Variants in SEC24A observed in about 807,000 individuals in gnomAD.
SEC24A encodes the protein protein transport protein Sec24A.
SEC24A carries 93 observed loss-of-function variants against 129.4 expected under a neutral mutation model. The ratio of observed to expected loss-of-function variants is 0.72; its 90% confidence interval spans 0.61 to 0.85. SEC24A has a LOEUF of 0.85. Ranked by LOEUF, SEC24A falls within the 40% of genes least tolerant of loss-of-function variation. SEC24A has a pLI of 0.00. For missense variants in SEC24A, 1,264 were observed against 1,307.4 expected (o/e 0.97, Z 0.51); for synonymous variants, 460 against 467.3 (o/e 0.98, Z 0.20).
Position 134,649,138 on chromosome 5 carries a change from G to C in SEC24A, c.62G>C (p.Gly21Ala), listed in dbSNP as rs1372082335. The change falls in exon 1 of 23, where the codon GGA becomes GCA. Residue 21 changes from glycine to alanine, a missense_variant. By Grantham distance (60) the Gly-to-Ala change is moderately conservative. Coordinates refer to ENST00000398844, the MANE Select transcript of SEC24A (RefSeq NM_021982.3). ...CCAGCCAGCCTCCAGGCCCAGAACG[G>C]AGCCGCCTTGGCCTCGGGGTCTCCC... ...GAPASLQAQN[G>A]AALASGSPYT... 6.2e-7 allele frequency: 1 copy of C among 1,610,110 alleles called. No individual in the cohort carries two copies. Among genetic ancestry groups the C allele is most frequent in the Non-Finnish European group, 8.5e-7 (1 of 1,178,416 alleles).
intron 1 of SEC24A, among the ~76,000 whole-genome samples, chr5:134,651,935 T>C (rs1750068677): frequency 1.3e-5 from 1 of 76,060 alleles, no homozygotes. Flanking sequence ...TTGAAAACTC[T>C]TTTTTTTTTT....
chr5:134,682,460 T>C lies in SEC24A; in HGVS notation c.1469T>C (p.Phe490Ser), dbSNP rs757411219. ...RPEVQNATIEFMAPSEYMLRP... is the reference protein window; with the variant it reads ...RPEVQNATIESMAPSEYMLRP... ...GAAGTTCAAAATGCTACTATTGAGT[T>C]TATGGCTCCTTCAGAATACATGGTA... The change falls in exon 9 of 23, where the codon TTT (phenylalanine) becomes TCT (serine). Residue 490 changes from phenylalanine (F) to serine (S), a missense_variant. Transcript: ENST00000398844. 1 of 1,587,828 alleles carries C rather than the reference T, an allele frequency of 6.3e-7. No homozygotes were observed. Among genetic ancestry groups the C allele is most frequent in the Non-Finnish European group, 8.6e-7 (1 of 1,156,514 alleles).
chr5:134,696,788 G>A (rs1187080243), intron 13 of SEC24A, among the ~76,000 whole-genome samples: 5 of 150,884 alleles, frequency 3.3e-5, no homozygotes, highest in Admixed American at 6.6e-5. Flanking sequence ...GTGAGCCACC[G>A]CACCCGGCCA....
At position 134,675,200 on chromosome 5, in the gene SEC24A, AC is replaced by A; in HGVS notation, c.1135del (p.Leu379SerfsTer12). The A allele has an allele frequency of 6.2e-7, 1 of 1,610,984 alleles. No homozygotes were observed. Among genetic ancestry groups the A allele is most frequent in the Non-Finnish European group, 8.5e-7 (1 of 1,177,850 alleles). ...CAAATTTGCATGAAGACATCCAGAA[AC>A]TCAACTGTAACCCAGAGTAAGGCTT... The part of the protein sequence containing the change: ...VPNLHEDIQK[L>X]NCNPELFRCT... On this transcript the variant is annotated frameshift_variant, in exon 6 of 23. Coordinates refer to ENST00000398844, the MANE Select transcript of SEC24A (RefSeq NM_021982.3). LOFTEE classifies it high-confidence loss of function.
Position 134,703,757 on chromosome 5 carries a change from A to C in SEC24A, c.2267-2A>C. Reference sequence around the variant, plus strand: ...TAATTTTGTTACCTTTTTCTCTTCTAGGTCTTTCCATTCATACTTTCCATG... The same window carrying C: ...TAATTTTGTTACCTTTTTCTCTTCTCGGTCTTTCCATTCATACTTTCCATG... On this transcript the variant is annotated splice_acceptor_variant, in intron 15 of 22. Coordinates refer to ENST00000398844, the MANE Select transcript of SEC24A (RefSeq NM_021982.3). LOFTEE classifies it high-confidence loss of function. 1 of 1,598,910 alleles carries C rather than the reference A, an allele frequency of 6.3e-7. No individual in the cohort carries two copies. The highest frequency in any genetic ancestry group is 8.6e-7 in the Non-Finnish European group (1 of 1,166,734).
At chr5:134,713,223 G>A (rs1434125304) in intron 18 of SEC24A, among the ~76,000 whole-genome samples, 2 of 151,986 alleles carry the variant, frequency 1.3e-5, no homozygotes, top group Admixed American at 6.6e-5. Context: ...GAGCCACCGC[G>A]CCCGGCCGAA....
Position 134,661,407 on chromosome 5 carries a change from A to C in SEC24A, c.386A>C (p.Glu129Ala). The change falls in exon 2 of 23, where the codon GAA becomes GCA. Residue 129 changes from glutamate to alanine, a missense_variant. Physicochemically the swap from Glu to Ala is moderately radical, Grantham distance 107 (BLOSUM62 -1). Transcript: ENST00000398844. ...TPMPSSSFLP[E>A]ANLPPPLNWQ... ...ATGCCTTCTAGTAGCTTTCTTCCTG[A>C]AGCCAACCTGCCACCACCTTTGAAT... 2 of 1,614,180 alleles carry C rather than the reference A, an allele frequency of 1.2e-6. No homozygotes were observed. Among genetic ancestry groups the C allele is most frequent in the Non-Finnish European group, 1.7e-6 (2 of 1,180,028 alleles).
chr5:134,654,647 C>T (rs560697835), intron 1 of SEC24A, among the ~76,000 whole-genome samples: 94 of 152,102 alleles, frequency 6.2e-4, no homozygotes, highest in Non-Finnish European at 1.2e-3. Context: ...AATAATGACT[C>T]CCACCATTAA....
At chr5:134,719,262 G>T (rs1007488317) in intron 20 of SEC24A, among the ~76,000 whole-genome samples, 2 of 151,340 alleles carry the variant, frequency 1.3e-5, no homozygotes, top group African/African-American at 2.4e-5. Context: ...CCAGGCTGTA[G>T]TCCCAGCAAC....
At chr5:134,695,878 C>T (rs1406814050) in intron 13 of SEC24A, among the ~76,000 whole-genome samples, 3 of 144,248 alleles carry the variant, frequency 2.1e-5, no homozygotes, top group African/African-American at 7.8e-5. Context: ...TGCTTGAACC[C>T]GGGAGGCAGT....
intron 13 of SEC24A, among the ~76,000 whole-genome samples, chr5:134,694,685 G>A (rs1039336028): frequency 4.6e-5 from 7 of 151,560 alleles, no homozygotes; most frequent in African/African-American, 1.7e-4. Context: ...TGGGTGTGGT[G>A]GCACATGCTT....
intron 4 of SEC24A, 107 bp downstream of exon 4, chr5:134,671,993 C>T (rs1750881429): frequency 1.4e-6 from 1 of 693,578 alleles, no homozygotes; most frequent in Non-Finnish European, 2.5e-6. Flanking sequence ...ACTTCATAAT[C>T]ATGTAGCCAT....
At chr5:134,648,717 T>G (rs1749939577), upstream of SEC24A, 2 of 167,386 alleles carry the variant, frequency 1.2e-5, no homozygotes, top group South Asian at 3.5e-4. Context: ...CGGCGGCGGC[T>G]GCTGCGAGCC....
rs1180461537 is a variant in SEC24A, at chr5:134,705,090, A to ATAT, written c.2441-236_2441-235insATT. On this transcript the variant is annotated intron_variant, in intron 16 of 22. Transcript: ENST00000398844. Reference sequence around the variant, plus strand: ...TATATTTATATATATATATATATATATTTTTTTTTTTTTAATTAATTTATT... The same window carrying ATAT: ...TATATTTATATATATATATATATATATATTTTTTTTTTTTTTAATTAATTTATT... 5.4e-3 allele frequency among the ~76,000 whole-genome samples: 670 copies of ATAT among 123,276 alleles called. 7 individuals carry two copies. The highest frequency in any genetic ancestry group is 0.012 in the East Asian group (53 of 4,394). The allele number at this position is 123,276 out of a possible 152,430, so 80.9% of individuals were successfully genotyped here. A position where few individuals can be genotyped will look rare whatever the true frequency, so the allele number is the denominator to read the frequency against.
chr5:134,658,768 G>A (rs1336195204), intron 1 of SEC24A, among the ~76,000 whole-genome samples: 4 of 152,016 alleles, frequency 2.6e-5, no homozygotes, highest in Non-Finnish European at 4.4e-5. Context: ...GAAAACAGAC[G>A]ACTTATAGGA....
At chr5:134,698,079 G>A (rs201485158) in intron 15 of SEC24A, 22 bp downstream of exon 15, 130 of 1,584,114 alleles carry the variant, frequency 8.2e-5, no homozygotes, top group Admixed American at 4.4e-4. Context: ...TTTTTTTTGC[G>A]TAGGACTGAA....
At chr5:134,702,438 G>A (rs1269706430) in intron 15 of SEC24A, among the ~76,000 whole-genome samples, 1 of 152,118 alleles carries the variant, frequency 6.6e-6, no homozygotes, top group Non-Finnish European at 1.5e-5. Context: ...GTATCAGCTT[G>A]CATGTGTATG....
chr5:134,684,528 C>T (rs1233476942), intron 9 of SEC24A, among the ~76,000 whole-genome samples: 1 of 151,952 alleles, frequency 6.6e-6, no homozygotes, highest in Middle Eastern at 3.2e-3. Context: ...GCCTTACCAA[C>T]ATGGTGAAAC....
At position 134,661,492 on chromosome 5, in the gene SEC24A, C is replaced by T; in HGVS notation, c.471C>T (p.Ser157=). 2 of 1,614,136 alleles carry T rather than the reference C, an allele frequency of 1.2e-6. No individual in the cohort carries two copies. Among genetic ancestry groups the T allele is most frequent in the Non-Finnish European group, 1.7e-6 (2 of 1,180,012 alleles). The change falls in exon 2 of 23, where the codon TCC becomes TCT. Residue 157 remains serine, a synonymous_variant. Coordinates refer to ENST00000398844, the MANE Select transcript of SEC24A (RefSeq NM_021982.3). ...SQTNHCPRAS[S]QPTVSGNTSL... ...CAAACCATTGTCCTCGTGCATCATC[C>T]CAACCAACTGTATCTGGAAATACAA...
Sources: gnomAD v4.1 joint callset for allele counts (sites outside exome capture counted in the v4.1 genomes callset) on GRCh38, gnomAD v4.1.1 for gene constraint, MANE v1.5 for transcripts, NCBI Gene and HGNC (gene_info 2026-07-23, HGNC 2026-07-21) for gene names.